Variants in ABCD3 observed in about 807,000 individuals in gnomAD.
ABCD3 encodes ATP-binding cassette sub-family D member 3.
ABCD3 carries 41 observed loss-of-function variants against 105.5 expected under a neutral mutation model. The observed-to-expected ratio is 0.39, with a 90% CI of 0.30 to 0.50. The LOEUF is 0.50. ABCD3 is among the 20% of genes least tolerant of loss of function. The pLI, the probability that ABCD3 is intolerant of heterozygous loss-of-function variation, is 0.84. For missense variants in ABCD3, 622 were observed against 806.3 expected (o/e 0.77, Z 2.77); for synonymous variants, 258 against 269.0 (o/e 0.96, Z 0.40).
chr1:94,465,076 T>A (rs1368712698), intron 3 of ABCD3, among the ~76,000 whole-genome samples: 1 of 152,088 alleles, frequency 6.6e-6, no homozygotes, highest in Non-Finnish European at 1.5e-5. Context: ...GAAGCCAGTG[T>A]CTCACATGGT....
chr1:94,475,787 T>G (rs912444779), intron 7 of ABCD3, 50 bp downstream of exon 7: 1 of 1,460,548 alleles, frequency 6.8e-7, no homozygotes, highest in Non-Finnish European at 9.5e-7. Context: ...TTTTGAATTT[T>G]GAATCTAAGC....
At position 94,435,303 on chromosome 1, in the gene ABCD3, G is replaced by A. The variant is rs192341091; in HGVS notation, c.110+16715G>A. ...ACCTGTAATCCCAGCACTTTGGGAG[G>A]CCCAGGCAGGAGGATAACTTGAGCC... On this transcript the variant is annotated intron_variant, in intron 1 of 22. Transcript: ENST00000370214. Among the ~76,000 whole-genome samples the A allele has an allele frequency of 2.5e-3, 375 of 152,228 alleles. 1 individual carries two copies. The highest frequency in any genetic ancestry group is 8.8e-3 in the African/African-American group (365 of 41,530).
chr1:94,429,214 A>C (rs475110), intron 1 of ABCD3, among the ~76,000 whole-genome samples: 145,680 of 152,256 alleles, frequency 0.96, 70,089 homozygotes, highest in East Asian at 1. Context: ...AGCAGCAAAG[A>C]ATTCAAGAGG....
chr1:94,498,757 T>C, intron 17 of ABCD3, 26 bp from the exon 18 acceptor site: 1 of 1,613,576 alleles, frequency 6.2e-7, no homozygotes, highest in Non-Finnish European at 8.5e-7. Flanking sequence ...TTACAATTGT[T>C]CTTCTCCCTT....
rs760091843 is a variant in ABCD3, at chr1:94,418,441, C to T, written c.-38C>T. The T allele has an allele frequency of 7.7e-6, 12 of 1,552,492 alleles. No individual in the cohort carries two copies. The African/African-American group carries it at 1.2e-4, about 16-fold the overall frequency. On this transcript the variant is annotated 5_prime_UTR_variant, in exon 1 of 23. Transcript: ENST00000370214. ...AAGGTAGCCGCCGCCGCCGCCGCCGCCGCGTCCCCTCGCCGGCTCGCTGGT... is the reference window on the plus strand; with the variant it reads ...AAGGTAGCCGCCGCCGCCGCCGCCGTCGCGTCCCCTCGCCGGCTCGCTGGT...
At chr1:94,457,568 G>T (rs182423294) in intron 1 of ABCD3, among the ~76,000 whole-genome samples, 1 of 151,820 alleles carries the variant, frequency 6.6e-6, no homozygotes, top group Non-Finnish European at 1.5e-5. Context: ...CTCTTTCCCC[G>T]CCTTTGTCCC....
chr1:94,514,879 A>AT (rs1250915801), intron 21 of ABCD3: 2 of 412,124 alleles, frequency 4.9e-6, no homozygotes, highest in African/African-American at 4.0e-5. Context: ...TTCACAATAA[A>AT]ATAGGAGACA....
intron 1 of ABCD3, among the ~76,000 whole-genome samples, chr1:94,447,694 A>G (rs1401875852): frequency 1.3e-5 from 2 of 152,230 alleles, no homozygotes; most frequent in Non-Finnish European, 2.9e-5. Flanking sequence ...CAATGTTATG[A>G]TCACTTGCAA....
chr1:94,449,941 G>A (rs781278036), intron 1 of ABCD3, among the ~76,000 whole-genome samples: 12 of 152,160 alleles, frequency 7.9e-5, no homozygotes, highest in Non-Finnish European at 1.3e-4. Context: ...AACTATTAAT[G>A]GCTGTTAACA....
intron 1 of ABCD3, among the ~76,000 whole-genome samples, chr1:94,437,996 C>T (rs1659966830): frequency 6.6e-6 from 1 of 152,042 alleles, no homozygotes; most frequent in African/African-American, 2.4e-5. Context: ...CATAATAAAA[C>T]TTGAAAGGAT....
At chr1:94,433,353 C>T (rs561818196) in intron 1 of ABCD3, among the ~76,000 whole-genome samples, 1 of 151,874 alleles carries the variant, frequency 6.6e-6, no homozygotes, top group Non-Finnish European at 1.5e-5. Context: ...GGGATTTCTC[C>T]ATTTTGGCTA....
At chr1:94,434,080 T>G (rs1340906498) in intron 1 of ABCD3, among the ~76,000 whole-genome samples, 1 of 152,206 alleles carries the variant, frequency 6.6e-6, no homozygotes, top group Non-Finnish European at 1.5e-5. Context: ...GGTGAATCAT[T>G]GAGTGAGTTA....
chr1:94,418,442 C>A lies in ABCD3; in HGVS notation c.-37C>A, dbSNP rs1659109144. 6.5e-7 allele frequency: 1 copy of A among 1,547,756 alleles called. No homozygotes were observed. Among genetic ancestry groups the A allele is most frequent in the Non-Finnish European group, 8.7e-7 (1 of 1,145,180 alleles). ...AGGTAGCCGCCGCCGCCGCCGCCGC[C>A]GCGTCCCCTCGCCGGCTCGCTGGTA... On this transcript the variant is annotated 5_prime_UTR_variant, in exon 1 of 23. Transcript: ENST00000370214.
intron 20 of ABCD3, among the ~76,000 whole-genome samples, chr1:94,505,247 C>A (rs917067864): frequency 2.0e-5 from 3 of 152,140 alleles, no homozygotes; most frequent in Admixed American, 2.0e-4. Context: ...TTCAGCCAGG[C>A]TGGAGTGCAG....
chr1:94,497,935 G>A (rs373469515), intron 16 of ABCD3, among the ~76,000 whole-genome samples: 37 of 152,288 alleles, frequency 2.4e-4, no homozygotes, highest in African/African-American at 8.9e-4. Context: ...AAAGCAAGTT[G>A]TAGAACAGTC....
At chr1:94,416,334 A>T (rs116119202), upstream of ABCD3, among the ~76,000 whole-genome samples, 354 of 152,324 alleles carry the variant, frequency 2.3e-3, 1 homozygote, top group African/African-American at 8.3e-3. Context: ...CATTAGACAA[A>T]ACTAAATATT....
At chr1:94,434,088 T>A (rs1422812469) in intron 1 of ABCD3, among the ~76,000 whole-genome samples, 3 of 152,120 alleles carry the variant, frequency 2.0e-5, no homozygotes, top group Non-Finnish European at 4.4e-5. Flanking sequence ...ATTGAGTGAG[T>A]TATGAGTGAA....
the ABCD3 span, among the ~76,000 whole-genome samples, chr1:94,395,630 A>G: frequency 2.0e-5 from 3 of 152,208 alleles, no homozygotes; most frequent in Non-Finnish European, 4.4e-5. Context: ...CTATTGATAA[A>G]GGTCATGATC....
chr1:94,391,565 C>T, the ABCD3 span, among the ~76,000 whole-genome samples: 2 of 151,934 alleles, frequency 1.3e-5, no homozygotes, highest in African/African-American at 4.8e-5. Context: ...GCAATATCTT[C>T]TGTCAAGCCC....
Sources: allele counts gnomAD v4.1 joint callset (sites outside exome capture counted in the v4.1 genomes callset), GRCh38; gene constraint gnomAD v4.1.1; transcripts MANE v1.5; gene names NCBI Gene and HGNC (gene_info 2026-07-23, HGNC 2026-07-21).